CREB3L2: variants seen among roughly 807,000 people sequenced by gnomAD.
The protein encoded by CREB3L2 is cAMP responsive element binding protein 3 like 2.
In CREB3L2, 23 loss-of-function variants were observed where a neutral mutation model predicts 57.2. The ratio of observed to expected loss-of-function variants is 0.40; its 90% CI spans 0.29 to 0.57. CREB3L2 has a LOEUF of 0.57. CREB3L2 is among the 20% of genes least tolerant of loss of function. The pLI, the probability that CREB3L2 is intolerant of heterozygous loss-of-function variation, is 0.42. For synonymous variants in CREB3L2, 268 were observed against 265.1 expected (o/e 1.01, Z -0.11); for missense variants, 628 against 634.7 (o/e 0.99, Z 0.11).
intron 11 of CREB3L2, among the ~76,000 whole-genome samples, chr7:137,882,153 T>G (rs1398617275): frequency 2.0e-5 from 3 of 152,112 alleles, no homozygotes; most frequent in Non-Finnish European, 4.4e-5. Flanking sequence ...TTCAAGCACT[T>G]CTTTGTGCCA....
At chr7:137,973,115 A>G (rs557261160) in intron 1 of CREB3L2, among the ~76,000 whole-genome samples, 8 of 151,916 alleles carry the variant, frequency 5.3e-5, no homozygotes, top group East Asian at 1.9e-4. Context: ...CGGCACATGT[A>G]TATGTAACTA....
intron 8 of CREB3L2, 131 bp from the exon 9 acceptor site, chr7:137,885,633 CT>C: frequency 1.4e-6 from 1 of 703,378 alleles, no homozygotes; most frequent in Non-Finnish European, 2.5e-6. Context: ...GGACAGTTTC[CT>C]CTGGAAGAAG....
Position 137,913,018 on chromosome 7 carries a change from G to A in CREB3L2, c.556C>T (p.Gln186Ter). Residue 186 changes from glutamine (Q) to a stop codon, truncating the protein, a stop_gained, in exon 4 of 12, where the codon CAG (glutamine) becomes TAG (stop). Transcript: ENST00000330387. LOFTEE classifies it high-confidence loss of function. ...TCTTTAGGAGAGAAGTTTAGAAACT[G>A]ATCCACTTCATGAGGCTCCAGCTTA... ...KIKLEPHEVD[Q>*]FLNFSPKEAP... The A allele has an allele frequency of 6.2e-7, 1 of 1,613,910 alleles. No individual in the cohort carries two copies. Among genetic ancestry groups the A allele is most frequent in the South Asian group, 1.1e-5 (1 of 91,074 alleles).
intron 1 of CREB3L2, among the ~76,000 whole-genome samples, chr7:137,988,382 A>G (rs909547938): frequency 6.6e-6 from 1 of 152,214 alleles, no homozygotes; most frequent in Non-Finnish European, 1.5e-5. Context: ...TATTTACTTA[A>G]TGTTCCTTCT....
chr7:137,982,187 C>T (rs1801722296), intron 1 of CREB3L2, among the ~76,000 whole-genome samples: 1 of 152,214 alleles, frequency 6.6e-6, no homozygotes, highest in African/African-American at 2.4e-5. Flanking sequence ...CACACATATG[C>T]ACTGCACATA....
chr7:137,880,153 G>A lies in CREB3L2; in HGVS notation c.*323C>T, dbSNP rs1799261889. ...CAAAGCGGGGGGTTACACCTCACAG[G>A]TGCACATTAGGCAATATCTTTTTGG... On this transcript the variant is annotated 3_prime_UTR_variant, in exon 12 of 12. Coordinates refer to ENST00000330387, the MANE Select transcript of CREB3L2 (RefSeq NM_194071.4). This position sits in a 1 kb window ranked among gnomAD's most constrained non-coding sequence, Gnocchi z 4.0. The A allele has an allele frequency of 2.5e-6, 1 of 407,724 alleles. No homozygotes were observed. Among genetic ancestry groups the A allele is most frequent in the Non-Finnish European group, 4.6e-6 (1 of 219,496 alleles). 25.3% of individuals were successfully genotyped at this position (407,724 alleles called of 1,614,324 possible).
rs201333856 is a variant in CREB3L2, at chr7:137,884,618, A to T, written c.1270+377T>A. ...ATACATTGCATTACATTACTCATACAATTCCACTCAGTGGAGGCAGAAACA... is the reference window on the plus strand; with the variant it reads ...ATACATTGCATTACATTACTCATACTATTCCACTCAGTGGAGGCAGAAACA... On this transcript the variant is annotated intron_variant, in intron 10 of 11. Coordinates refer to ENST00000330387, the MANE Select transcript of CREB3L2 (RefSeq NM_194071.4). 1.5e-4 allele frequency: 78 copies of T among 529,034 alleles called. No individual in the cohort carries two copies. In the East Asian group the frequency reaches 2.2e-3, roughly 15 times the overall value. 32.8% of individuals were successfully genotyped at this position (529,034 alleles called of 1,614,324 possible). A position where few individuals can be genotyped will look rare whatever the true frequency, so the allele number is the denominator to read the frequency against.
intron 2 of CREB3L2, among the ~76,000 whole-genome samples, chr7:137,916,824 CAGAG>C (rs147912469): frequency 4.0e-5 from 6 of 150,626 alleles, no homozygotes; most frequent in East Asian, 1.9e-4. Flanking sequence ...GCGAGAGCGA[CAGAG>C]AGAGAGAGAG....
chr7:137,967,833 A>T (rs1585664816), intron 1 of CREB3L2, among the ~76,000 whole-genome samples: 1 of 151,734 alleles, frequency 6.6e-6, no homozygotes, highest in African/African-American at 2.4e-5. Flanking sequence ...TCCAACCATC[A>T]CCTCCCCTCA....
intron 8 of CREB3L2, among the ~76,000 whole-genome samples, chr7:137,898,948 A>C (rs1161653781): frequency 2.2e-5 from 3 of 139,284 alleles, no homozygotes; most frequent in Non-Finnish European, 4.4e-5. Flanking sequence ...GGGAGGAACA[A>C]AGGAAAGAAG....
chr7:137,952,577 C>T (rs1238685093), intron 1 of CREB3L2, among the ~76,000 whole-genome samples: 2 of 152,170 alleles, frequency 1.3e-5, no homozygotes, highest in African/African-American at 2.4e-5. Context: ...CCTGCTTTCC[C>T]GCCTTTGCAC....
intron 8 of CREB3L2, among the ~76,000 whole-genome samples, chr7:137,899,954 A>G (rs139288659): frequency 2.2e-4 from 33 of 152,328 alleles, no homozygotes; most frequent in Middle Eastern, 6.8e-3. Context: ...GGGCATTAAC[A>G]CTGACCCTTA....
intron 1 of CREB3L2, among the ~76,000 whole-genome samples, chr7:137,995,219 T>A (rs1801968000): frequency 6.6e-6 from 1 of 152,036 alleles, no homozygotes; most frequent in South Asian, 2.1e-4. Context: ...AACTCCTATG[T>A]CCATCACACA....
chr7:137,875,948 A>C lies in CREB3L2; in HGVS notation c.*4528T>G. ...TAGTTTTTTCCTGTGTTAAGTGCTG[A>C]CCCTTTGACCACAAAGGCATGGAAC... On this transcript the variant is annotated 3_prime_UTR_variant, in exon 12 of 12. Coordinates refer to ENST00000330387, the MANE Select transcript of CREB3L2 (RefSeq NM_194071.4). 4.4e-6 allele frequency: 1 copy of C among 227,398 alleles called. No individual in the cohort carries two copies. The highest frequency in any genetic ancestry group is 8.7e-6 in the Non-Finnish European group (1 of 114,418). The allele number at this position is 227,398 out of a possible 1,614,324, so 14.1% of individuals were successfully genotyped here.
Position 137,878,681 on chromosome 7 carries a change from A to G in CREB3L2, c.*1795T>C. ...TCCAGCTTCCACTCACAGTGAGAAG[A>G]TGAACTTGGCCGCTTTCCAGGCTGG... On this transcript the variant is annotated 3_prime_UTR_variant, in exon 12 of 12. Coordinates refer to ENST00000330387, the MANE Select transcript of CREB3L2 (RefSeq NM_194071.4). 4.3e-6 allele frequency: 1 copy of G among 234,428 alleles called. No individual in the cohort carries two copies. Among genetic ancestry groups the G allele is most frequent in the African/African-American group, 2.2e-5 (1 of 45,466 alleles). The allele number at this position is 234,428 out of a possible 1,614,324, so 14.5% of individuals were successfully genotyped here.
rs985762056 is a variant in CREB3L2, at chr7:137,934,370, G to A, written c.103-6004C>T. On this transcript the variant is annotated intron_variant, in intron 1 of 11. Coordinates refer to ENST00000330387, the MANE Select transcript of CREB3L2 (RefSeq NM_194071.4). ...GGTGATGATCATGGATAATGATGTT[G>A]TCAGGATTAGGTGCTAGACTTGTGT... 1.4e-4 allele frequency among the ~76,000 whole-genome samples: 21 copies of A among 152,218 alleles called. 1 individual carries two copies. The highest frequency in any genetic ancestry group is 2.6e-4 in the Non-Finnish European group (18 of 68,046).
chr7:137,913,159 G>A (rs1800053358), intron 3 of CREB3L2, 81 bp from the exon 4 acceptor site: 1 of 1,411,364 alleles, frequency 7.1e-7, no homozygotes, highest in Non-Finnish European at 9.7e-7. Context: ...TTTGTCACCT[G>A]TGTCTTCCTC....
At chr7:137,958,084 G>C (rs1278181126) in intron 1 of CREB3L2, 1 of 245,518 alleles carries the variant, frequency 4.1e-6, no homozygotes, top group African/African-American at 2.3e-5. Flanking sequence ...GTCACCAAGG[G>C]AAACAGGCAG....
At chr7:137,978,920 C>A (rs561260274) in intron 1 of CREB3L2, among the ~76,000 whole-genome samples, 1 of 152,282 alleles carries the variant, frequency 6.6e-6, no homozygotes, top group East Asian at 1.9e-4. Flanking sequence ...TAGAGAGTGG[C>A]CCCATGCATG....
Sources: gnomAD v4.1 joint callset for allele counts (sites outside exome capture counted in the v4.1 genomes callset) on GRCh38, gnomAD v4.1.1 for gene constraint, Gnocchi (gnomAD v3.1) non-coding constraint, MANE v1.5 for transcripts, NCBI Gene and HGNC (gene_info 2026-07-23, HGNC 2026-07-21) for gene names.